Variants in ANKH observed in about 807,000 individuals in gnomAD.
ANKH encodes mineralization regulator ANKH.
A neutral mutation model predicts 49.0 loss-of-function variants in ANKH; 15 were observed. That is an observed-to-expected ratio of 0.31 (90% CI 0.20 to 0.47). The LOEUF is 0.47. ANKH is among the 20% of genes least tolerant of loss of function. The pLI is 1.00. For missense variants in ANKH, 429 were observed against 652.0 expected (o/e 0.66, Z 3.72); for synonymous variants, 273 against 260.0 (o/e 1.05, Z -0.48).
intron 1 of ANKH, among the ~76,000 whole-genome samples, chr5:14,783,805 T>A (rs6886566): frequency 0.011 from 1,695 of 152,342 alleles, 30 homozygotes; most frequent in African/African-American, 0.039. Context: ...AATGAATTCA[T>A]TTTTATCACT....
chr5:14,813,636 C>T (rs956770355), intron 1 of ANKH, among the ~76,000 whole-genome samples: 2 of 152,154 alleles, frequency 1.3e-5, no homozygotes, highest in African/African-American at 2.4e-5. Flanking sequence ...ACTGTAGCCC[C>T]TGCCCACGGC....
In ANKH at chr5:14,847,958, C is replaced by T. The variant is rs374941598; in HGVS notation, c.96+23394G>A. On this transcript the variant is annotated intron_variant, in intron 1 of 11. Coordinates refer to ENST00000284268, the MANE Select transcript of ANKH (RefSeq NM_054027.6). Reference sequence around the variant, plus strand: ...AGGAGTTTGAGACCAGCCTGGCCAACGTGGTGAAACCCCAGCTCTACTAAA... The same window carrying T: ...AGGAGTTTGAGACCAGCCTGGCCAATGTGGTGAAACCCCAGCTCTACTAAA... Among the ~76,000 whole-genome samples, 68 of 152,280 alleles carry T rather than the reference C, an allele frequency of 4.5e-4. No individual in the cohort carries two copies. In the East Asian group the frequency reaches 9.8e-3, roughly 22 times the overall value.
intron 11 of ANKH, 96 bp from the exon 12 acceptor site, chr5:14,711,406 C>T (rs1159796046): frequency 6.6e-6 from 7 of 1,066,940 alleles, no homozygotes; most frequent in African/African-American, 1.5e-5. Context: ...CTTGGGGGAC[C>T]CCTCACTGTA....
intron 6 of ANKH, among the ~76,000 whole-genome samples, chr5:14,748,869 C>T (rs980564291): frequency 2.0e-5 from 3 of 152,256 alleles, no homozygotes; most frequent in African/African-American, 7.2e-5. Context: ...TGGATTCTAA[C>T]ACTAGCCCAG....
intron 3 of ANKH, among the ~76,000 whole-genome samples, chr5:14,757,069 C>G (rs1738909337): frequency 6.6e-6 from 1 of 152,158 alleles, no homozygotes; most frequent in African/African-American, 2.4e-5. Flanking sequence ...CACCGTATAA[C>G]TGTAATTCTT....
At chr5:14,761,020 C>T (rs770904143) in intron 2 of ANKH, among the ~76,000 whole-genome samples, 6 of 152,128 alleles carry the variant, frequency 3.9e-5, no homozygotes, top group Non-Finnish European at 8.8e-5. Context: ...GACTGATGTT[C>T]TTATAAAACG....
chr5:14,750,646 G>A (rs1374022033), intron 5 of ANKH, among the ~76,000 whole-genome samples: 2 of 152,156 alleles, frequency 1.3e-5, no homozygotes, highest in African/African-American at 4.8e-5. Context: ...TAAGGGACTG[G>A]GATTGGCCAT....
intron 9 of ANKH, among the ~76,000 whole-genome samples, chr5:14,714,676 G>C (rs1009383604): frequency 2.0e-5 from 3 of 152,200 alleles, no homozygotes; most frequent in African/African-American, 7.2e-5. Flanking sequence ...CAGACCCACT[G>C]AGGTTTTTGA....
intron 8 of ANKH, among the ~76,000 whole-genome samples, chr5:14,722,445 T>C (rs1274775238): frequency 1.3e-5 from 2 of 152,082 alleles, no homozygotes; most frequent in African/African-American, 4.8e-5. Context: ...CTTAGAGAAA[T>C]GACTCATTCT....
intron 1 of ANKH, among the ~76,000 whole-genome samples, chr5:14,822,476 C>T (rs1438544100): frequency 6.6e-6 from 1 of 152,166 alleles, no homozygotes. Context: ...AGAAATAGCA[C>T]TACCAGCAGA....
At chr5:14,797,224 C>G in intron 1 of ANKH, 1 of 1,337,462 alleles carries the variant, frequency 7.5e-7, no homozygotes, top group African/African-American at 1.4e-5. Flanking sequence ...TCTTCCGATA[C>G]AGAACACATC....
At chr5:14,796,278 G>A (rs1225232433) in intron 1 of ANKH, among the ~76,000 whole-genome samples, 3 of 151,100 alleles carry the variant, frequency 2.0e-5, no homozygotes, top group African/African-American at 7.3e-5. Context: ...AATGGAGATG[G>A]CATCAAACTA....
rs966266809 is a variant in ANKH at position 14,710,174 on chromosome 5, T to C, written c.*1023A>G. On this transcript the variant is annotated 3_prime_UTR_variant, in exon 12 of 12. Coordinates refer to ENST00000284268, the MANE Select transcript of ANKH (RefSeq NM_054027.6). ...CTCAATTACCTGTACCGCAGAGTTA[T>C]GACTAAGGATAGCAGAACCAGGTAA... 1.2e-4 allele frequency: 19 copies of C among 152,214 alleles called. No individual in the cohort carries two copies. The highest frequency in any genetic ancestry group is 9.8e-4 in the Admixed American group (15 of 15,290). 9.4% of individuals were successfully genotyped at this position (152,214 alleles called of 1,614,324 possible).
At chr5:14,837,551 A>G (rs1055853807) in intron 1 of ANKH, among the ~76,000 whole-genome samples, 2 of 152,366 alleles carry the variant, frequency 1.3e-5, no homozygotes, top group African/African-American at 2.4e-5. Flanking sequence ...CATCAGAGAA[A>G]TGCAAATCAA....
chr5:14,831,650 A>G (rs1741511149), intron 1 of ANKH, among the ~76,000 whole-genome samples: 1 of 152,182 alleles, frequency 6.6e-6, no homozygotes, highest in Admixed American at 6.5e-5. Context: ...GGGACAGGAA[A>G]CCATCTTCAA....
chr5:14,785,588 T>C (rs1052004511), intron 1 of ANKH, among the ~76,000 whole-genome samples: 3 of 152,180 alleles, frequency 2.0e-5, no homozygotes, highest in African/African-American at 4.8e-5. Flanking sequence ...CATTATAAGT[T>C]ATCCAGTCTC....
At chr5:14,816,132 T>C (rs2126580092) in intron 1 of ANKH, among the ~76,000 whole-genome samples, 1 of 152,366 alleles carries the variant, frequency 6.6e-6, no homozygotes, top group Admixed American at 6.5e-5. Context: ...GAGGACATTA[T>C]GCTAAATTCC....
intron 1 of ANKH, among the ~76,000 whole-genome samples, chr5:14,793,047 T>TATATATATAA (rs1209292505): frequency 0.022 from 1,408 of 62,982 alleles, 23 homozygotes; most frequent in East Asian, 0.045. Context: ...AATATATATA[T>TATATATATAA]AAATATATAT....
chr5:14,834,035 G>A (rs576220597), intron 1 of ANKH, among the ~76,000 whole-genome samples: 39 of 152,290 alleles, frequency 2.6e-4, no homozygotes, highest in Non-Finnish European at 4.7e-4. Flanking sequence ...TGCAGAGCAC[G>A]GCTCACCTTC....
Sources: allele counts gnomAD v4.1 joint callset (sites outside exome capture counted in the v4.1 genomes callset), GRCh38; gene constraint gnomAD v4.1.1; transcripts MANE v1.5; gene names NCBI Gene and HGNC (gene_info 2026-07-23, HGNC 2026-07-21).